Variants in B3GALNT2 observed in about 807,000 individuals in gnomAD.
The protein encoded by B3GALNT2 is beta-1,3-N-acetylgalactosaminyltransferase 2.
In B3GALNT2, 53 loss-of-function variants were observed where a neutral mutation model predicts 61.1. That is an observed-to-expected ratio of 0.87 (90% CI 0.70 to 1.09). The LOEUF (loss-of-function observed/expected upper bound fraction) is 1.09, where lower values mean the gene tolerates loss of function less well. Among genes scored for constraint, B3GALNT2 ranks in the 50% least tolerant of loss-of-function variants. B3GALNT2 has a pLI of 0.00. For missense variants in B3GALNT2, 544 were observed against 623.0 expected (o/e 0.87, Z 1.35); for synonymous variants, 223 against 237.4 (o/e 0.94, Z 0.56).
chr1:235,460,623 G>C (rs535093893), intron 7 of B3GALNT2, among the ~76,000 whole-genome samples: 1 of 150,876 alleles, frequency 6.6e-6, no homozygotes, highest in South Asian at 2.1e-4. Context: ...ACCCGGGCTA[G>C]AATGCAGTGG....
intron 8 of B3GALNT2, among the ~76,000 whole-genome samples, chr1:235,458,286 G>A (rs1350910506): frequency 4.6e-5 from 7 of 152,068 alleles, no homozygotes; most frequent in Non-Finnish European, 1.5e-5. Context: ...CTCAGTTTTC[G>A]CAAGGAACTG....
intron 1 of B3GALNT2, among the ~76,000 whole-genome samples, chr1:235,502,081 C>T (rs1236530001): frequency 2.6e-5 from 4 of 152,310 alleles, no homozygotes; most frequent in Admixed American, 1.3e-4. Context: ...GGCGCAATCT[C>T]GTCTCACTGC....
downstream of B3GALNT2, chr1:235,442,819 A>C (rs367666825): frequency 2.8e-4 from 441 of 1,596,626 alleles, no homozygotes; most frequent in Non-Finnish European, 3.4e-4. Context: ...AATAGTAGAT[A>C]TCAATTAGTC....
chr1:235,499,292 C>A (rs894987535), intron 1 of B3GALNT2, among the ~76,000 whole-genome samples: 1 of 152,136 alleles, frequency 6.6e-6, no homozygotes, highest in African/African-American at 2.4e-5. Flanking sequence ...TGGTTACTAT[C>A]CCTGGTAGTG....
intron 2 of B3GALNT2, among the ~76,000 whole-genome samples, chr1:235,490,349 GCCT>G (rs2102855512): frequency 6.6e-6 from 1 of 152,236 alleles, no homozygotes; most frequent in South Asian, 2.1e-4. Flanking sequence ...TCCTGCCTCA[GCCT>G]CCTAAGTGGC....
At chr1:235,494,602 A>G in intron 2 of B3GALNT2, 79 bp downstream of exon 2, 1 of 1,457,500 alleles carries the variant, frequency 6.9e-7, no homozygotes. Flanking sequence ...GACGACGGGC[A>G]CACACCACCA....
At chr1:235,482,441 T>C (rs531982398) in intron 4 of B3GALNT2, among the ~76,000 whole-genome samples, 1 of 152,124 alleles carries the variant, frequency 6.6e-6, no homozygotes, top group African/African-American at 2.4e-5. Flanking sequence ...AAATTCTTCA[T>C]ATAAACTCTA....
chr1:235,467,016 T>C lies in B3GALNT2; in HGVS notation c.763-1302A>G, dbSNP rs151212058. ...AATGTTTTAAGGCCAGTAGAACAAG[T>C]AATCTGAGGTCACTGTAGTAACTTG... is the stretch of plus-strand genomic sequence containing the variant. On this transcript the variant is annotated intron_variant, in intron 6 of 11. Coordinates refer to ENST00000366600, the MANE Select transcript of B3GALNT2 (RefSeq NM_152490.5). Among the ~76,000 whole-genome samples, 548 of 152,296 alleles carry C rather than the reference T, an allele frequency of 3.6e-3. 1 individual carries two copies. The highest frequency in any genetic ancestry group is 0.012 in the African/African-American group (517 of 41,570).
At chr1:235,440,487 G>A in the B3GALNT2 span, among the ~76,000 whole-genome samples, 4 of 151,724 alleles carry the variant, frequency 2.6e-5, no homozygotes, top group African/African-American at 7.3e-5. Flanking sequence ...CTACCTCCTG[G>A]GTTCAAGTGA....
At chr1:235,474,011 C>G (rs932581039) in intron 5 of B3GALNT2, among the ~76,000 whole-genome samples, 14 of 152,122 alleles carry the variant, frequency 9.2e-5, no homozygotes, top group African/African-American at 3.1e-4. Context: ...AGAAAAATTC[C>G]CTAGTCCTCC....
intron 4 of B3GALNT2, among the ~76,000 whole-genome samples, chr1:235,483,664 T>G (rs556839845): frequency 6.6e-6 from 1 of 152,258 alleles, no homozygotes; most frequent in Admixed American, 6.5e-5. Flanking sequence ...CCCAGCTACT[T>G]AGGAGTAATA....
In B3GALNT2 at chr1:235,504,343, G is replaced by T; in HGVS notation, c.-91C>A. The T allele has an allele frequency of 7.3e-7, 1 of 1,365,560 alleles. No individual in the cohort carries two copies. Among genetic ancestry groups the T allele is most frequent in the Non-Finnish European group, 9.6e-7 (1 of 1,037,534 alleles). The allele number at this position is 1,365,560 out of a possible 1,614,324, so 84.6% of individuals were successfully genotyped here. On this transcript the variant is annotated 5_prime_UTR_variant, in exon 1 of 12. Transcript: ENST00000366600. ...CGGAGACTGAGGGGCGGCGGCTGAC[G>T]AGCGACCACTCCGAGCACGCCCGCC...
chr1:235,448,847 C>A lies in B3GALNT2; in HGVS notation c.*1359G>T. On this transcript the variant is annotated 3_prime_UTR_variant, in exon 12 of 12. Transcript: ENST00000366600. Reference sequence around the variant, plus strand: ...TAAATGATTCACTGGAACAATTCTACTGTCAAAACAAAGGGGGTTTACAAC... The same window carrying A: ...TAAATGATTCACTGGAACAATTCTAATGTCAAAACAAAGGGGGTTTACAAC... 9.7e-7 allele frequency: 1 copy of A among 1,030,464 alleles called. No homozygotes were observed. The highest frequency in any genetic ancestry group is 1.5e-6 in the Non-Finnish European group (1 of 666,760). 63.8% of individuals were successfully genotyped at this position (1,030,464 alleles called of 1,614,324 possible). A position where few individuals can be genotyped will look rare whatever the true frequency, so the allele number is the denominator to read the frequency against.
intron 5 of B3GALNT2, among the ~76,000 whole-genome samples, chr1:235,477,747 C>T (rs900378715): frequency 3.3e-5 from 5 of 152,252 alleles, no homozygotes; most frequent in East Asian, 1.9e-4. Flanking sequence ...CTGCTCTGTG[C>T]GCGGAGGGCA....
rs1313783948 is a variant in B3GALNT2 at position 235,504,403 on chromosome 1, G to C, written c.-151C>G. The C allele has an allele frequency of 3.7e-6, 3 of 819,224 alleles. No homozygotes were observed. Among genetic ancestry groups the C allele is most frequent in the Non-Finnish European group, 5.2e-6 (3 of 582,350 alleles). 50.7% of individuals were successfully genotyped at this position (819,224 alleles called of 1,614,324 possible). A position where few individuals can be genotyped will look rare whatever the true frequency, so the allele number is the denominator to read the frequency against. ...GGCGACGTCTGGGGGGCTCCTCGCA[G>C]CTCCCGGCCCCGCTCCTCCGGTCCC... On this transcript the variant is annotated 5_prime_UTR_variant, in exon 1 of 12. Coordinates refer to ENST00000366600, the MANE Select transcript of B3GALNT2 (RefSeq NM_152490.5).
At chr1:235,469,884 ATAG>A (rs1347124371) in intron 6 of B3GALNT2, among the ~76,000 whole-genome samples, 1 of 151,400 alleles carries the variant, frequency 6.6e-6, no homozygotes, top group Non-Finnish European at 1.5e-5. Context: ...ATTTTTATCT[ATAG>A]TAGTTTTTTT....
At chr1:235,469,231 C>G (rs1387854078) in intron 6 of B3GALNT2, among the ~76,000 whole-genome samples, 2 of 152,126 alleles carry the variant, frequency 1.3e-5, no homozygotes, top group Admixed American at 1.3e-4. Flanking sequence ...ATATTCATTT[C>G]AACTCAGAAA....
chr1:235,486,579 A>G (rs1263449829), intron 3 of B3GALNT2, among the ~76,000 whole-genome samples: 1 of 152,222 alleles, frequency 6.6e-6, no homozygotes, highest in African/African-American at 2.4e-5. Context: ...TGAAATAACC[A>G]TAACTGCCTT....
At chr1:235,494,647 T>C (rs555388453) in intron 2 of B3GALNT2, 34 bp downstream of exon 2, 1 of 1,592,796 alleles carries the variant, frequency 6.3e-7, no homozygotes, top group African/African-American at 1.3e-5. Context: ...CTTATTTCAA[T>C]AAACCAGGCA....
Sources: allele counts gnomAD v4.1 joint callset (sites outside exome capture counted in the v4.1 genomes callset), GRCh38; gene constraint gnomAD v4.1.1; transcripts MANE v1.5; gene names NCBI Gene and HGNC (gene_info 2026-07-23, HGNC 2026-07-21).